Variants in CNBD1 observed in about 807,000 individuals in gnomAD.
CNBD1 encodes the protein cyclic nucleotide-binding domain-containing protein 1.
A neutral mutation model predicts 54.4 loss-of-function variants in CNBD1; 71 were observed. That is an observed-to-expected ratio of 1.30 (90% CI 1.08 to 1.59). The LOEUF is 1.59. CNBD1 is among the 40% of genes most tolerant of loss of function. The probability of loss-of-function intolerance (pLI) is 0.00; values close to 1 mark genes in which losing one functional copy is unlikely to be tolerated. For missense variants in CNBD1, 659 were observed against 518.0 expected (o/e 1.27, Z -2.64); for synonymous variants, 182 against 170.7 (o/e 1.07, Z -0.51).
In CNBD1 at chr8:87,356,665, A is replaced by T. The variant is rs183772841; in HGVS notation, c.1303+2879A>T. 1.4e-4 allele frequency among the ~76,000 whole-genome samples: 22 copies of T among 152,340 alleles called. 1 individual carries two copies. The highest frequency in any genetic ancestry group is 3.4e-3 in the Middle Eastern group (1 of 294). On this transcript the variant is annotated intron_variant, in intron 10 of 10. Transcript: ENST00000518476. ...TATAATTAAAAAGGAAGCAGAGCAT[A>T]AAATTTGAAAAATTCACACTCTAGC...
intron 5 of CNBD1, among the ~76,000 whole-genome samples, chr8:87,210,277 G>T (rs1265885114): frequency 6.6e-6 from 1 of 152,328 alleles, no homozygotes; most frequent in African/African-American, 2.4e-5. Flanking sequence ...GAGCATGAGA[G>T]TTTTGAAAAT....
chr8:87,359,755 G>T lies in CNBD1; in HGVS notation c.1303+5969G>T, dbSNP rs191878046. 3.9e-5 allele frequency among the ~76,000 whole-genome samples: 6 copies of T among 152,094 alleles called. No individual in the cohort carries two copies. The East Asian group carries it at 1.2e-3, about 29-fold the overall frequency. The stretch of plus-strand genomic sequence containing the variant: ...AGTTGAAGACAAATGAAAATGCTGT[G>T]CTGGAAAACTCAGCGTGAGCAAACT... On this transcript the variant is annotated intron_variant, in intron 10 of 10. Transcript: ENST00000518476.
At chr8:87,414,256 G>A (rs1162267467) in intron 2 of CNBD1, among the ~76,000 whole-genome samples, 4 of 152,062 alleles carry the variant, frequency 2.6e-5, no homozygotes, top group Non-Finnish European at 5.9e-5. Context: ...ATCATTCTCA[G>A]CAAACTATCG....
intron 2 of CNBD1, among the ~76,000 whole-genome samples, chr8:86,901,153 G>C (rs992106011): frequency 3.3e-5 from 5 of 152,096 alleles, no homozygotes; most frequent in African/African-American, 1.2e-4. Context: ...TGTAATAAAA[G>C]GATGACATAC....
chr8:87,172,517 T>C (rs892236748), intron 4 of CNBD1, among the ~76,000 whole-genome samples: 3 of 152,084 alleles, frequency 2.0e-5, no homozygotes, highest in Non-Finnish European at 4.4e-5. Flanking sequence ...TCTCTCTCTT[T>C]AGCTCTAATA....
intron 5 of CNBD1, among the ~76,000 whole-genome samples, chr8:87,231,940 G>A (rs1259339358): frequency 6.6e-6 from 1 of 151,978 alleles, no homozygotes; most frequent in Non-Finnish European, 1.5e-5. Flanking sequence ...TGTCCCATAG[G>A]GGCAATGGCT....
chr8:87,057,567 G>T (rs1241120874), intron 4 of CNBD1, among the ~76,000 whole-genome samples: 1 of 152,170 alleles, frequency 6.6e-6, no homozygotes, highest in Non-Finnish European at 1.5e-5. Context: ...ACACAATCAT[G>T]GTTGGGCGCA....
intron 2 of CNBD1, among the ~76,000 whole-genome samples, chr8:86,895,253 G>GGTGT (rs59497760): frequency 0.014 from 2,101 of 144,906 alleles, 40 homozygotes; most frequent in African/African-American, 0.052. Context: ...GTGTGTGCAT[G>GGTGT]GTGTGTGTGT....
intron 2 of CNBD1, among the ~76,000 whole-genome samples, chr8:87,424,468 A>G (rs1808007038): frequency 6.6e-6 from 1 of 152,232 alleles, no homozygotes; most frequent in Non-Finnish European, 1.5e-5. Flanking sequence ...AGATTCTGGT[A>G]TGTTGTGTCT....
At chr8:87,349,331 T>A (rs1388065361) in intron 8 of CNBD1, among the ~76,000 whole-genome samples, 1 of 152,170 alleles carries the variant, frequency 6.6e-6, no homozygotes, top group Non-Finnish European at 1.5e-5. Context: ...CTGTTTCTAG[T>A]CCAAAATAGT....
At chr8:87,030,840 C>G (rs377172264) in intron 4 of CNBD1, among the ~76,000 whole-genome samples, 1 of 117,240 alleles carries the variant, frequency 8.5e-6, no homozygotes, top group Admixed American at 8.3e-5. Context: ...CCTTCTCCCC[C>G]CTCCCCTCTC....
At chr8:87,344,876 G>A (rs186972517) in intron 8 of CNBD1, among the ~76,000 whole-genome samples, 119 of 152,182 alleles carry the variant, frequency 7.8e-4, no homozygotes, top group Non-Finnish European at 1.3e-3. Flanking sequence ...GCAGTGTTAG[G>A]ATGAGGTAAC....
chr8:86,893,260 T>C (rs552010940), intron 2 of CNBD1, among the ~76,000 whole-genome samples: 10 of 152,212 alleles, frequency 6.6e-5, no homozygotes, highest in East Asian at 1.9e-4. Context: ...TACACTCTTA[T>C]AGCCAATTGT....
intron 10 of CNBD1, among the ~76,000 whole-genome samples, chr8:87,364,258 G>T (rs530183367): frequency 2.6e-5 from 4 of 151,316 alleles, no homozygotes; most frequent in African/African-American, 4.8e-5. Context: ...CACATCTAAT[G>T]TGTGGAAAAG....
chr8:87,407,258 A>G (rs1260321792), intron 2 of CNBD1, among the ~76,000 whole-genome samples: 1 of 152,108 alleles, frequency 6.6e-6, no homozygotes, highest in East Asian at 1.9e-4. Flanking sequence ...AATATAAGAA[A>G]CACAGTATAT....
intron 2 of CNBD1, among the ~76,000 whole-genome samples, 184 bp downstream of exon 2, chr8:86,887,795 C>T (rs1008423424): frequency 1.1e-4 from 17 of 152,104 alleles, no homozygotes; most frequent in African/African-American, 4.1e-4. Context: ...ATATATGTCA[C>T]ATCTTAAGGA....
intron 5 of CNBD1, among the ~76,000 whole-genome samples, chr8:87,236,279 A>G (rs1807583214): frequency 6.6e-6 from 1 of 152,114 alleles, no homozygotes; most frequent in South Asian, 2.1e-4. Context: ...TTGCATTAGA[A>G]ATATTCACAA....
At chr8:87,332,490 T>G (rs1809857004) in intron 8 of CNBD1, among the ~76,000 whole-genome samples, 1 of 152,226 alleles carries the variant, frequency 6.6e-6, no homozygotes. Flanking sequence ...CTAGGTTTTC[T>G]TCTAGGGTTT....
chr8:86,881,541 A>G (rs2131779297), intron 1 of CNBD1, among the ~76,000 whole-genome samples: 1 of 152,336 alleles, frequency 6.6e-6, no homozygotes, highest in Middle Eastern at 3.4e-3. Context: ...ATGGAAAACC[A>G]TTCCATGCTC....
Sources: allele counts gnomAD v4.1 joint callset (sites outside exome capture counted in the v4.1 genomes callset), GRCh38; gene constraint gnomAD v4.1.1; transcripts MANE v1.5; gene names NCBI Gene and HGNC (gene_info 2026-07-23, HGNC 2026-07-21).